TMPRSS9: variants seen among roughly 807,000 people sequenced by gnomAD.
TMPRSS9 encodes the protein transmembrane serine protease 9.
In TMPRSS9, 113 loss-of-function variants were observed where a neutral mutation model predicts 111.4. The ratio of observed to expected loss-of-function variants is 1.01; its 90% confidence interval spans 0.87 to 1.19. The LOEUF is 1.19. Among genes scored for constraint, TMPRSS9 ranks in the 50% most tolerant of loss-of-function variants. The pLI is 0.00. For synonymous variants in TMPRSS9, 805 were observed against 659.1 expected (o/e 1.22, Z -3.39); for missense variants, 1,803 against 1,513.1 (o/e 1.19, Z -3.18).
intron 12 of TMPRSS9, 114 bp downstream of exon 13, chr19:2,416,923 AC>A (rs1971252816): frequency 7.6e-7 from 1 of 1,318,324 alleles, no homozygotes; most frequent in Admixed American, 2.7e-5. Flanking sequence ...CTGCACAGGG[AC>A]CTCTGTGGCT....
chr19:2,389,869 G>A (rs781152743), exon 1 of TMPRSS9: 6 of 1,613,968 alleles, frequency 3.7e-6, no homozygotes, highest in Non-Finnish European at 4.2e-6. Flanking sequence ...GCTGTCGAGC[G>A]GCCAGCATTG....
intron 1 of TMPRSS9, 60 bp from the exon 3 acceptor site, chr19:2,396,479 T>G: frequency 6.6e-7 from 1 of 1,509,232 alleles, no homozygotes; most frequent in Middle Eastern, 2.1e-4. Context: ...GGGTGGCAGC[T>G]CAGCGGAGCC....
chr19:2,419,072 G>T (rs866930638), intron 13 of TMPRSS9, among the ~76,000 whole-genome samples: 5 of 2,888 alleles, frequency 1.7e-3, no homozygotes, highest in Admixed American at 3.7e-3. Flanking sequence ...CTTCCCTCCC[G>T]CCCTCTCCTT....
At chr19:2,425,564 G>A (rs1281439601) in intron 17 of TMPRSS9, 71 bp downstream of exon 18, 11 of 1,439,160 alleles carry the variant, frequency 7.6e-6, no homozygotes, top group Non-Finnish European at 1.0e-5. Context: ...CCGCTGCCAC[G>A]AAGCCCACCA....
rs961578645 is a variant in TMPRSS9 at position 2,420,004 on chromosome 19, A to T, written c.2155-1850A>T. 1.7e-4 allele frequency among the ~76,000 whole-genome samples: 25 copies of T among 151,362 alleles called. No homozygotes were observed. In the East Asian group the frequency reaches 2.3e-3, roughly 14 times the overall value. On this transcript the variant is annotated intron_variant, in intron 13 of 17. Coordinates refer to ENST00000648592, the Ensembl canonical transcript of TMPRSS9. ...TGAGACCCCGTCTCTACAAAAATTT[A>T]AAAAAAAAATTTGTCAGGCAGAGTG...
Position 2,413,736 on chromosome 19 carries a change from T to C in TMPRSS9, c.1291T>C (p.Ser431Pro), listed in dbSNP as rs1347624635. 5 of 1,613,650 alleles carry C rather than the reference T, an allele frequency of 3.1e-6. No homozygotes were observed. In the South Asian group the frequency reaches 4.4e-5, roughly 14 times the overall value. Residue 431 changes from serine (S) to proline (P), a missense_variant, in exon 10 of 18, where the codon TCT (serine) becomes CCT (proline). Physicochemically the swap from Ser to Pro is moderately conservative, Grantham distance 74 (BLOSUM62 -1). Coordinates refer to ENST00000648592, the Ensembl canonical transcript of TMPRSS9. ...AGGACCCCTGGTCTGCGAGGAGCCCTCTGGCCGGTTCTTTCTGGCTGGCAT... is the reference window on the plus strand; with the variant it reads ...AGGACCCCTGGTCTGCGAGGAGCCCCCTGGCCGGTTCTTTCTGGCTGGCAT...
intron 1 of TMPRSS9, among the ~76,000 whole-genome samples, 42 bp downstream of exon 1, chr19:2,360,402 A>T (rs1295412184): frequency 6.6e-6 from 1 of 152,112 alleles, no homozygotes; most frequent in Non-Finnish European, 1.5e-5. Context: ...CCCTCGGAAC[A>T]GCCCCCACTT....
At chr19:2,422,788 T>G (rs904822967) in intron 14 of TMPRSS9, among the ~76,000 whole-genome samples, 1 of 152,198 alleles carries the variant, frequency 6.6e-6, no homozygotes, top group Non-Finnish European at 1.5e-5. Flanking sequence ...CTTGGGAGGC[T>G]GAGGCAGGAG....
chr19:2,413,038 A>C (rs931289910), intron 9 of TMPRSS9, among the ~76,000 whole-genome samples: 2 of 152,096 alleles, frequency 1.3e-5, no homozygotes, highest in African/African-American at 2.4e-5. Flanking sequence ...TACTAAAAAT[A>C]CAAGAAATTA....
At chr19:2,378,100 A>G (rs560366013) in intron 1 of TMPRSS9, among the ~76,000 whole-genome samples, 13 of 152,132 alleles carry the variant, frequency 8.5e-5, no homozygotes, top group Non-Finnish European at 1.9e-4. Flanking sequence ...GGCTGGTCTC[A>G]AACTCCTGGC....
intron 1 of TMPRSS9, among the ~76,000 whole-genome samples, chr19:2,379,636 T>TCTTTCTTC (rs1970368329): frequency 2.0e-5 from 3 of 147,020 alleles, no homozygotes; most frequent in African/African-American, 7.7e-5. Flanking sequence ...TTTCTTTCTT[T>TCTTTCTTC]CTTTCTTTCT....
chr19:2,415,718 G>C, exon 11 of TMPRSS9: 2 of 1,609,154 alleles, frequency 1.2e-6, no homozygotes, highest in Non-Finnish European at 8.5e-7. Flanking sequence ...GTCGTGGGCG[G>C]GTTCGGAGCT....
exon 7 of TMPRSS9, chr19:2,405,483 C>G: frequency 6.2e-7 from 1 of 1,607,240 alleles, no homozygotes; most frequent in Non-Finnish European, 8.5e-7. Context: ...ACAAGGAGCA[C>G]TTCTGTGGGG....
At chr19:2,363,805 C>A (rs78434388) in intron 1 of TMPRSS9, among the ~76,000 whole-genome samples, 1 of 105,696 alleles carries the variant, frequency 9.5e-6, no homozygotes, top group African/African-American at 3.4e-5. Context: ...TGTGTGTGTG[C>A]GTGCGCGCGT....
In TMPRSS9 at chr19:2,390,231, G is replaced by GTTTTTTTTTTT. The variant is rs1198106187; in HGVS notation, c.142+305_142+315dup. Among the ~76,000 whole-genome samples the GTTTTTTTTTTT allele has an allele frequency of 8.1e-5, 9 of 110,590 alleles. 2 individuals are homozygous for GTTTTTTTTTTT. The highest frequency in any genetic ancestry group is 2.9e-4 in the African/African-American group (8 of 27,948). 72.6% of individuals were successfully genotyped at this position (110,590 alleles called of 152,430 possible). A position where few individuals can be genotyped will look rare whatever the true frequency, so the allele number is the denominator to read the frequency against. On this transcript the variant is annotated intron_variant, in intron 1 of 17. Coordinates refer to ENST00000648592, the Ensembl canonical transcript of TMPRSS9. ...GCAAATCAGCAAAATACCCAAAGTA[G>GTTTTTTTTTTT]TTTTTTTTTTTGTTTTTTTTTTTTT... is the stretch of plus-strand genomic sequence containing the variant.
chr19:2,417,861 T>G, intron 12 of TMPRSS9, 141 bp from the exon 14 acceptor site: 390 of 1,196,564 alleles, frequency 3.3e-4, no homozygotes, highest in Non-Finnish European at 4.2e-4. Flanking sequence ...TGTGGCTTTG[T>G]GAGATTCCTG....
intron 1 of TMPRSS9, among the ~76,000 whole-genome samples, chr19:2,383,869 C>T (rs1337013376): frequency 3.3e-5 from 5 of 151,902 alleles, no homozygotes; most frequent in African/African-American, 1.2e-4. Flanking sequence ...ACAGAAACAG[C>T]TAGAATAATG....
At chr19:2,414,799 G>A (rs1246015758) in intron 10 of TMPRSS9, among the ~76,000 whole-genome samples, 1 of 150,736 alleles carries the variant, frequency 6.6e-6, no homozygotes, top group African/African-American at 2.4e-5. Context: ...CCCAGGAAGC[G>A]GAGGTTGCAG....
chr19:2,388,892 G>A (rs1403448091), upstream of TMPRSS9, among the ~76,000 whole-genome samples: 1 of 151,978 alleles, frequency 6.6e-6, no homozygotes, highest in Non-Finnish European at 1.5e-5. Flanking sequence ...CCACAATGCT[G>A]GGATTACAGG....
Sources: gnomAD v4.1 joint callset for allele counts (sites outside exome capture counted in the v4.1 genomes callset) on GRCh38, gnomAD v4.1.1 for gene constraint, MANE v1.5 for transcripts, NCBI Gene and HGNC (gene_info 2026-07-23, HGNC 2026-07-21) for gene names.